The following SBSPON variants were observed in gnomAD, a reference collection of about 807,000 sequenced individuals.
SBSPON encodes the protein somatomedin B and thrombospondin type 1 domain containing.
SBSPON carries 30 observed loss-of-function variants against 35.8 expected under a neutral mutation model. The ratio of observed to expected loss-of-function variants is 0.84; its 90% CI spans 0.63 to 1.14. SBSPON has a LOEUF of 1.14. SBSPON is among the 50% of genes most tolerant of loss of function. SBSPON has a pLI of 0.00. For missense variants in SBSPON, 364 were observed against 357.7 expected, an observed-to-expected ratio of 1.02 and a Z score of -0.14; for synonymous variants, 136 against 135.9, an observed-to-expected ratio of 1.00 and a Z score of 0.00.
At chr8:73,079,864 C>T (rs767902422) in intron 2 of SBSPON, among the ~76,000 whole-genome samples, 9 of 152,196 alleles carry the variant, frequency 5.9e-5, no homozygotes, top group African/African-American at 9.6e-5. Flanking sequence ...GTGACCCCAG[C>T]GCCAGCCCAG....
rs1183436875 is a variant in SBSPON, at chr8:73,093,031, GC to G, written c.36del (p.Arg13GlyfsTer129). 1.4e-6 allele frequency: 2 copies of G among 1,387,912 alleles called. No homozygotes were observed. The highest frequency in any genetic ancestry group is 1.9e-6 in the Non-Finnish European group (2 of 1,077,266). 86.0% of individuals were successfully genotyped at this position (1,387,912 alleles called of 1,614,324 possible). A position where few individuals can be genotyped will look rare whatever the true frequency, so the allele number is the denominator to read the frequency against. On this transcript the variant is annotated frameshift_variant, in exon 1 of 5. Coordinates refer to ENST00000297354, the MANE Select transcript of SBSPON (RefSeq NM_153225.4). LOFTEE classifies it high-confidence loss of function. ...RTLWMALCAL[S>X]RLWPGAQAGC... The stretch of plus-strand genomic sequence containing the variant: ...CCGGCCTGGGCCCCGGGCCACAGCC[GC>G]GACAGCGCGCACAGCGCCATCCACA...
intron 2 of SBSPON, among the ~76,000 whole-genome samples, chr8:73,076,692 C>G (rs1247406981): frequency 6.6e-6 from 1 of 151,536 alleles, no homozygotes; most frequent in Non-Finnish European, 1.5e-5. Flanking sequence ...AGAAAGGCAC[C>G]GAGAAATGCA....
chr8:73,090,185 T>C (rs771990871), intron 1 of SBSPON, among the ~76,000 whole-genome samples: 13 of 152,202 alleles, frequency 8.5e-5, no homozygotes, highest in Non-Finnish European at 1.8e-4. Context: ...GGCAGTATCA[T>C]TCCGCTTTAA....
intron 1 of SBSPON, among the ~76,000 whole-genome samples, chr8:73,082,582 C>G (rs1327114312): frequency 6.6e-6 from 1 of 152,208 alleles, no homozygotes; most frequent in Non-Finnish European, 1.5e-5. Context: ...GAAATACCCA[C>G]AGGTATCACA....
In SBSPON at chr8:73,081,228, A is replaced by T; in HGVS notation, c.215-15T>A. 1 of 1,556,964 alleles carries T rather than the reference A, an allele frequency of 6.4e-7. No homozygotes were observed. The highest frequency in any genetic ancestry group is 8.7e-7 in the Non-Finnish European group (1 of 1,147,078). On this transcript the variant is annotated splice_polypyrimidine_tract_variant and intron_variant, in intron 1 of 4. Coordinates refer to ENST00000297354, the MANE Select transcript of SBSPON (RefSeq NM_153225.4). ...GCACGGGCGAGCTGAAAAACAGCAC[A>T]ATAGGACGCTCACCTGAGTAAATCC...
chr8:73,088,946 A>G (rs1810883935), intron 1 of SBSPON, among the ~76,000 whole-genome samples: 1 of 152,158 alleles, frequency 6.6e-6, no homozygotes. Context: ...ATAGGTCACC[A>G]GGTTCTTTTC....
intron 3 of SBSPON, among the ~76,000 whole-genome samples, chr8:73,071,065 C>T (rs1371050474): frequency 6.6e-6 from 1 of 152,164 alleles, no homozygotes; most frequent in Non-Finnish European, 1.5e-5. Flanking sequence ...CTATGTTGCC[C>T]TGGCTGGTCT....
chr8:73,068,440 A>T (rs1810432615), intron 4 of SBSPON, among the ~76,000 whole-genome samples: 1 of 152,186 alleles, frequency 6.6e-6, no homozygotes, highest in African/African-American at 2.4e-5. Flanking sequence ...TTTAATCTGT[A>T]TTTCTACCAG....
chr8:73,074,108 T>C (rs896086430), intron 2 of SBSPON, among the ~76,000 whole-genome samples: 4 of 152,332 alleles, frequency 2.6e-5, no homozygotes, highest in Middle Eastern at 3.4e-3. Context: ...ATGTGTTTCT[T>C]CACTAAGTGA....
intron 1 of SBSPON, among the ~76,000 whole-genome samples, chr8:73,087,911 G>A (rs1810865093): frequency 1.3e-5 from 2 of 152,186 alleles, no homozygotes; most frequent in Admixed American, 1.3e-4. Flanking sequence ...CACCTCATAA[G>A]CAAGTTTTCC....
chr8:73,083,137 G>A (rs182811226), intron 1 of SBSPON, among the ~76,000 whole-genome samples: 3 of 152,254 alleles, frequency 2.0e-5, no homozygotes, highest in African/African-American at 7.2e-5. Context: ...CTTGTATTCG[G>A]TTTGGTCTCA....
At chr8:73,083,067 GACTGA>G (rs1810745825) in intron 1 of SBSPON, among the ~76,000 whole-genome samples, 1 of 152,190 alleles carries the variant, frequency 6.6e-6, no homozygotes, top group South Asian at 2.1e-4. Context: ...AGGGTTTTCT[GACTGA>G]ACTTAGCCTC....
At chr8:73,090,316 T>C (rs1241764631) in intron 1 of SBSPON, among the ~76,000 whole-genome samples, 1 of 152,000 alleles carries the variant, frequency 6.6e-6, no homozygotes, top group African/African-American at 2.4e-5. Context: ...TCGGGTTACT[T>C]CTGGGATTAA....
At chr8:73,078,495 C>A (rs1810636394) in intron 2 of SBSPON, among the ~76,000 whole-genome samples, 1 of 152,152 alleles carries the variant, frequency 6.6e-6, no homozygotes, top group Non-Finnish European at 1.5e-5. Context: ...CCTGCATTGT[C>A]CTGGTGTAGA....
intron 1 of SBSPON, chr8:73,085,797 G>C (rs933527510): frequency 6.6e-6 from 1 of 152,200 alleles, no homozygotes; most frequent in Non-Finnish European, 1.5e-5. Flanking sequence ...TTTATAAAGA[G>C]AGTTTGGACT....
At chr8:73,078,675 A>G (rs571216544) in intron 2 of SBSPON, among the ~76,000 whole-genome samples, 28 of 152,300 alleles carry the variant, frequency 1.8e-4, no homozygotes, top group South Asian at 1.7e-3. Flanking sequence ...AATGTCCTAC[A>G]GTGTCTTCCT....
intron 2 of SBSPON, among the ~76,000 whole-genome samples, chr8:73,077,047 C>T (rs1343922691): frequency 6.6e-6 from 1 of 152,176 alleles, no homozygotes; most frequent in Non-Finnish European, 1.5e-5. Context: ...GGTAAGATTA[C>T]AGGTATATGC....
At chr8:73,090,926 A>C (rs1810921143) in intron 1 of SBSPON, among the ~76,000 whole-genome samples, 1 of 152,216 alleles carries the variant, frequency 6.6e-6, no homozygotes, top group Non-Finnish European at 1.5e-5. Flanking sequence ...TCTACCGCCT[A>C]GACTGAAAAT....
chr8:73,087,693 T>C (rs1306058846), intron 1 of SBSPON, among the ~76,000 whole-genome samples: 1 of 152,216 alleles, frequency 6.6e-6, no homozygotes, highest in Admixed American at 6.5e-5. Context: ...CATCAGACTT[T>C]GGCTAGTTTG....
Sources: allele counts gnomAD v4.1 joint callset (sites outside exome capture counted in the v4.1 genomes callset), GRCh38; gene constraint gnomAD v4.1.1; transcripts MANE v1.5; gene names NCBI Gene and HGNC (gene_info 2026-07-23, HGNC 2026-07-21).